SGCD: variants seen among roughly 807,000 people sequenced by gnomAD.
SGCD encodes the protein delta-sarcoglycan.
In SGCD, 18 loss-of-function variants were observed where a neutral mutation model predicts 36.6. The ratio of observed to expected loss-of-function variants is 0.49; its 90% CI spans 0.34 to 0.73. The LOEUF is 0.73. SGCD is among the 30% of genes least tolerant of loss of function. SGCD has a pLI of 0.01. For missense variants in SGCD, 387 were observed against 346.7 expected (o/e 1.12, Z -0.92); for synonymous variants, 133 against 130.6 (o/e 1.02, Z -0.12).
the SGCD span, among the ~76,000 whole-genome samples, chr5:155,782,026 CTTTTTTT>C: frequency 1.6e-5 from 2 of 122,910 alleles, no homozygotes; most frequent in African/African-American, 5.8e-5. Flanking sequence ...TTTTTCTTTT[CTTTTTTT>C]TTTTTTTTTT....
At chr5:156,024,522 T>G (rs1357713526) in intron 1 of SGCD, among the ~76,000 whole-genome samples, 1 of 152,076 alleles carries the variant, frequency 6.6e-6, no homozygotes, top group Non-Finnish European at 1.5e-5. Context: ...CTACCTTTTT[T>G]GTAGGCTGGA....
At chr5:156,581,313 C>A (rs1760246454) in intron 4 of SGCD, among the ~76,000 whole-genome samples, 1 of 152,238 alleles carries the variant, frequency 6.6e-6, no homozygotes, top group Non-Finnish European at 1.5e-5. Flanking sequence ...GGGGCACCTG[C>A]CTGTATGAGG....
At chr5:156,423,342 A>T (rs1483399508) in intron 3 of SGCD, among the ~76,000 whole-genome samples, 526 of 17,584 alleles carry the variant, frequency 0.03, 10 homozygotes, top group African/African-American at 0.15. Context: ...ATAATATAAT[A>T]TATTATAATT....
chr5:156,382,015 C>A (rs990368448), intron 3 of SGCD, among the ~76,000 whole-genome samples: 1 of 152,094 alleles, frequency 6.6e-6, no homozygotes, highest in African/African-American at 2.4e-5. Context: ...TTTACATTAT[C>A]ATCTTTAATT....
rs369033934 is a variant in SGCD at position 156,123,337 on chromosome 5, G to T, written c.-207-519G>T. Among the ~76,000 whole-genome samples, 20 of 152,230 alleles carry T rather than the reference G, an allele frequency of 1.3e-4. No individual in the cohort carries two copies. In the East Asian group the frequency reaches 3.9e-3, roughly 29 times the overall value. On this transcript the variant is annotated intron_variant, in intron 2 of 9. Coordinates refer to the SGCD transcript ENST00000517913. ...CTAAGATCTCCTTATGTTGGAAATT[G>T]GGAGGTTGAAAAGATGCAATAGAGG...
intron 1 of SGCD, among the ~76,000 whole-genome samples, chr5:156,041,339 T>C (rs1385535709): frequency 6.6e-6 from 1 of 152,194 alleles, no homozygotes; most frequent in African/African-American, 2.4e-5. Flanking sequence ...ACTGGGAAGA[T>C]TATCCCATTC....
chr5:155,979,071 A>G (rs1304600692), intron 1 of SGCD, among the ~76,000 whole-genome samples: 2 of 152,198 alleles, frequency 1.3e-5, no homozygotes, highest in Non-Finnish European at 2.9e-5. Context: ...TGGGCAGAAA[A>G]TGCTGCCACA....
intron 3 of SGCD, among the ~76,000 whole-genome samples, chr5:156,445,653 T>C (rs1282286566): frequency 6.6e-6 from 1 of 152,146 alleles, no homozygotes; most frequent in African/African-American, 2.4e-5. Context: ...GAAAGTCACT[T>C]AACCTCTCTG....
intron 3 of SGCD, among the ~76,000 whole-genome samples, chr5:156,126,542 G>A (rs976912783): frequency 2.0e-5 from 3 of 152,154 alleles, no homozygotes; most frequent in Non-Finnish European, 2.9e-5. Flanking sequence ...TTCAGCTGTA[G>A]TATATATAAA....
chr5:156,133,553 T>C (rs1041897956), intron 3 of SGCD, among the ~76,000 whole-genome samples: 1 of 152,190 alleles, frequency 6.6e-6, no homozygotes, highest in African/African-American at 2.4e-5. Context: ...GATCTTTGCA[T>C]TGGGCCCTTA....
chr5:155,821,731 A>C, the SGCD span, among the ~76,000 whole-genome samples: 44 of 152,370 alleles, frequency 2.9e-4, no homozygotes, highest in African/African-American at 9.6e-4. Flanking sequence ...AAAATAATTC[A>C]GAAAAATATG....
At chr5:155,756,090 C>G in the SGCD span, among the ~76,000 whole-genome samples, 1 of 152,200 alleles carries the variant, frequency 6.6e-6, no homozygotes. Flanking sequence ...GGTGTTCCCT[C>G]TCAATGCTTA....
intron 1 of SGCD, among the ~76,000 whole-genome samples, chr5:155,888,062 T>G (rs1013740498): frequency 2.0e-5 from 3 of 152,208 alleles, no homozygotes; most frequent in Non-Finnish European, 4.4e-5. Flanking sequence ...CAAAGCTCTG[T>G]TCACCACTAT....
intron 1 of SGCD, among the ~76,000 whole-genome samples, chr5:155,972,051 A>G (rs1758016247): frequency 6.6e-6 from 1 of 152,198 alleles, no homozygotes; most frequent in African/African-American, 2.4e-5. Flanking sequence ...GGTTAGGAAT[A>G]GAATGATCAT....
intron 1 of SGCD, among the ~76,000 whole-genome samples, chr5:155,943,706 C>T (rs1273751553): frequency 2.0e-5 from 3 of 152,150 alleles, no homozygotes; most frequent in Non-Finnish European, 4.4e-5. Flanking sequence ...TTGGGGGTTG[C>T]TCAACCCTAC....
intron 1 of SGCD, among the ~76,000 whole-genome samples, chr5:155,959,447 G>T (rs528270318): frequency 6.6e-6 from 1 of 152,190 alleles, no homozygotes; most frequent in South Asian, 2.1e-4. Flanking sequence ...ATAATAGGGG[G>T]ATCTGAGTAG....
chr5:156,229,300 A>ATATATATATATATATATATATAC (rs1477607808), intron 3 of SGCD, among the ~76,000 whole-genome samples: 1 of 126,180 alleles, frequency 7.9e-6, no homozygotes, highest in Non-Finnish European at 1.7e-5. Flanking sequence ...ATATATATAT[A>ATATATATATATATATATATATAC]AAATTAGTTC....
At chr5:155,878,283 G>A (rs1580966744) in intron 1 of SGCD, among the ~76,000 whole-genome samples, 1 of 152,070 alleles carries the variant, frequency 6.6e-6, no homozygotes, top group African/African-American at 2.4e-5. Flanking sequence ...TTGAATCATA[G>A]ACTTAGCTCT....
the SGCD span, among the ~76,000 whole-genome samples, chr5:155,780,819 G>T: frequency 1.9e-3 from 282 of 152,202 alleles, no homozygotes; most frequent in African/African-American, 6.4e-3. Context: ...TCATTTGATG[G>T]GAATAAAAGA....
Sources: gnomAD v4.1 joint callset for allele counts (sites outside exome capture counted in the v4.1 genomes callset) on GRCh38, gnomAD v4.1.1 for gene constraint, MANE v1.5 for transcripts, NCBI Gene and HGNC (gene_info 2026-07-23, HGNC 2026-07-21) for gene names.